CERS5: variants seen among roughly 807,000 people sequenced by gnomAD.
CERS5 encodes LAG1 homolog, ceramide synthase 5.
In CERS5, 37 loss-of-function variants were observed where a neutral mutation model predicts 58.9. The ratio of observed to expected loss-of-function variants is 0.63; its 90% CI spans 0.48 to 0.83. The LOEUF (loss-of-function observed/expected upper bound fraction) is 0.83. Among genes scored for constraint, CERS5 ranks in the 40% least tolerant of loss-of-function variants. The pLI, the probability that CERS5 is intolerant of heterozygous loss-of-function variation, is 0.00. For synonymous variants in CERS5, 147 were observed against 177.8 expected, an observed-to-expected ratio of 0.83 and a Z score of 1.38; for missense variants, 398 against 489.3, an observed-to-expected ratio of 0.81 and a Z score of 1.76.
Position 50,144,044 on chromosome 12 carries a change from G to T in CERS5, c.211C>A (p.Pro71Thr), listed in dbSNP as rs772726946. Residue 71 changes from proline to threonine, a missense_variant, in exon 2 of 10, where the codon CCC (proline) becomes ACC (threonine). This residue lies in a region of CERS5 where 328 missense variants were observed against 384.5 expected (regional missense o/e 0.85). Coordinates refer to ENST00000317551, the MANE Select transcript of CERS5 (RefSeq NM_147190.5). ...TCGATGCCAATACAGAGTGCACAGG[G>T]TTTGGCAATAAATCTGTAATGGAGA... ...RLLFERFIAK[P>T]CALCIGIEDS... 6.2e-7 allele frequency: 1 copy of T among 1,607,788 alleles called. No homozygotes were observed. The highest frequency in any genetic ancestry group is 1.1e-5 in the South Asian group (1 of 90,908).
intron 1 of CERS5, chr12:50,165,146 G>A (rs1236174648): frequency 6.6e-6 from 1 of 152,110 alleles, no homozygotes; most frequent in Non-Finnish European, 1.5e-5. Flanking sequence ...AAGGCCGGGC[G>A]CGGCGGTTCA....
intron 1 of CERS5, chr12:50,166,375 T>A (rs1245922480): frequency 1.2e-5 from 2 of 164,192 alleles, no homozygotes; most frequent in Non-Finnish European, 2.6e-5. Flanking sequence ...TCAATATAGC[T>A]GTCCTCTGAT....
chr12:50,145,254 A>C (rs893363858), intron 1 of CERS5, among the ~76,000 whole-genome samples: 1 of 152,026 alleles, frequency 6.6e-6, no homozygotes, highest in Non-Finnish European at 1.5e-5. Flanking sequence ...ATTGATTATA[A>C]TTAATTTCCA....
intron 1 of CERS5, chr12:50,154,384 G>T (rs566540736): frequency 6.2e-6 from 1 of 160,426 alleles, no homozygotes; most frequent in East Asian, 1.9e-4. Context: ...TGCTACTTGT[G>T]TTTTGGTGTA....
At chr12:50,148,927 A>ATATATATATAT (rs1292802919) in intron 1 of CERS5, among the ~76,000 whole-genome samples, 10 of 48,024 alleles carry the variant, frequency 2.1e-4, no homozygotes, top group African/African-American at 5.4e-4. Context: ...AAAAAAAAAA[A>ATATATATATAT]ATATATATAT....
In CERS5 at chr12:50,138,478, C is replaced by T. The variant is rs1026754312; in HGVS notation, c.543+89G>A. ...AATCCCTCAATCCCAAGGAAACGCA[C>T]CATCTGTCCTGGGGACTGGCAAAGG... is the stretch of plus-strand genomic sequence containing the variant. On this transcript the variant is annotated intron_variant, in intron 5 of 9. Coordinates refer to ENST00000317551, the MANE Select transcript of CERS5 (RefSeq NM_147190.5). 5 of 1,041,316 alleles carry T rather than the reference C, an allele frequency of 4.8e-6. No homozygotes were observed. In the African/African-American group the frequency reaches 7.8e-5, roughly 16 times the overall value. The allele number at this position is 1,041,316 out of a possible 1,614,324, so 64.5% of individuals were successfully genotyped here.
intron 6 of CERS5, among the ~76,000 whole-genome samples, chr12:50,137,446 C>T (rs1951747566): frequency 6.6e-6 from 1 of 152,128 alleles, no homozygotes; most frequent in Non-Finnish European, 1.5e-5. Context: ...GACTAGTTTC[C>T]TGAGCTTTAG....
Position 50,167,359 on chromosome 12 carries a change from C to T in CERS5, c.-62G>A. ...TCAGCTGCCGCCACAGCCAACGGAA[C>T]CCGCGGGGAGGCGGCCCCAGGGCGG... On this transcript the variant is annotated 5_prime_UTR_variant, in exon 1 of 10. Transcript: ENST00000317551. 4.2e-6 allele frequency: 6 copies of T among 1,444,568 alleles called. No homozygotes were observed. The highest frequency in any genetic ancestry group is 4.5e-6 in the Non-Finnish European group (5 of 1,108,866). 89.5% of individuals were successfully genotyped at this position (1,444,568 alleles called of 1,614,324 possible).
chr12:50,163,598 A>C (rs903770368), intron 1 of CERS5, among the ~76,000 whole-genome samples: 16 of 152,314 alleles, frequency 1.1e-4, no homozygotes, highest in Non-Finnish European at 2.2e-4. Flanking sequence ...TGGGAAGCTG[A>C]GGCAGCAGGA....
chr12:50,138,754 A>C, intron 4 of CERS5, 137 bp from the exon 5 acceptor site: 1 of 744,754 alleles, frequency 1.3e-6, no homozygotes, highest in African/African-American at 1.7e-5. Flanking sequence ...AGGGCTCCCT[A>C]AAGGATCAAT....
Position 50,140,284 on chromosome 12 carries a change from A to ATTTTTTTTTTTTTTTTT in CERS5, c.493-1684_493-1668dup, listed in dbSNP as rs57651378. Among the ~76,000 whole-genome samples the ATTTTTTTTTTTTTTTTT allele has an allele frequency of 1.7e-4, 16 of 96,246 alleles. 1 individual carries two copies. Among genetic ancestry groups the ATTTTTTTTTTTTTTTTT allele is most frequent in the African/African-American group, 7.2e-4 (16 of 22,348 alleles). 63.1% of individuals were successfully genotyped at this position (96,246 alleles called of 152,430 possible). On this transcript the variant is annotated intron_variant, in intron 4 of 9. Coordinates refer to ENST00000317551, the MANE Select transcript of CERS5 (RefSeq NM_147190.5). ...TTGAGAAGAGTTGTTTAACTTCCAAATTTTTTTTTTTTTTTTTTTTTTTTT... is the reference window on the plus strand; with the variant it reads ...TTGAGAAGAGTTGTTTAACTTCCAAATTTTTTTTTTTTTTTTTTTTTTTTTTTTTTTTTTTTTTTTTT...
At chr12:50,141,082 G>A (rs1951947988) in intron 4 of CERS5, among the ~76,000 whole-genome samples, 1 of 152,068 alleles carries the variant, frequency 6.6e-6, no homozygotes, top group South Asian at 2.1e-4. Flanking sequence ...GCAGAGTCTT[G>A]CTCTGTCACC....
intron 6 of CERS5, among the ~76,000 whole-genome samples, chr12:50,136,727 G>A (rs1198590928): frequency 6.6e-6 from 1 of 152,136 alleles, no homozygotes; most frequent in Non-Finnish European, 1.5e-5. Context: ...GCTTTAATGA[G>A]AGAAACGTCA....
At chr12:50,134,425 T>C (rs985839793) in intron 9 of CERS5, 121 bp downstream of exon 9, 1 of 1,605,180 alleles carries the variant, frequency 6.2e-7, no homozygotes, top group Non-Finnish European at 8.5e-7. Context: ...TTTGGAGCCC[T>C]AGGCTTTTTG....
chr12:50,166,301 C>G (rs1221757565), intron 1 of CERS5: 2 of 123,298 alleles, frequency 1.6e-5, no homozygotes, highest in Admixed American at 9.6e-5. Flanking sequence ...CCAGCCTGGG[C>G]AACAAGAGCG....
At chr12:50,140,005 G>A (rs12819883) in intron 4 of CERS5, among the ~76,000 whole-genome samples, 2 of 151,798 alleles carry the variant, frequency 1.3e-5, no homozygotes, top group East Asian at 2.0e-4. Flanking sequence ...GTACAGGGGT[G>A]AGCCACCACG....
At chr12:50,134,942 A>G (rs529060887) in intron 8 of CERS5, 86 of 528,034 alleles carry the variant, frequency 1.6e-4, no homozygotes, top group African/African-American at 1.4e-3. Context: ...AAGTCACATT[A>G]TTAATCACTT....
chr12:50,140,576 C>T (rs905711187), intron 4 of CERS5, among the ~76,000 whole-genome samples: 3 of 152,042 alleles, frequency 2.0e-5, no homozygotes, highest in African/African-American at 7.2e-5. Context: ...TGAGCAACCT[C>T]ATGCAGGCGA....
intron 1 of CERS5, among the ~76,000 whole-genome samples, chr12:50,148,187 C>T (rs1265343145): frequency 6.6e-6 from 1 of 151,794 alleles, no homozygotes; most frequent in African/African-American, 2.4e-5. Flanking sequence ...CCTGTGGTCC[C>T]AGCAACTTGG....
Sources: allele counts gnomAD v4.1 joint callset (sites outside exome capture counted in the v4.1 genomes callset), GRCh38; gene constraint gnomAD v4.1.1; regional missense constraint gnomAD v4.1.1; transcripts MANE v1.5; gene names NCBI Gene and HGNC (gene_info 2026-07-23, HGNC 2026-07-21).